The following QTMAN variants were observed in gnomAD, a reference collection of about 807,000 sequenced individuals.
QTMAN encodes queuosine-tRNA mannosyltransferase.
the QTMAN span, among the ~76,000 whole-genome samples, chr2:144,331,964 C>T: frequency 6.6e-6 from 1 of 152,174 alleles, no homozygotes; most frequent in African/African-American, 2.4e-5. Flanking sequence ...GCCGGGCAGC[C>T]TGGTGGTCGG....
At chr2:143,961,801 T>G in the QTMAN span, among the ~76,000 whole-genome samples, 2 of 152,072 alleles carry the variant, frequency 1.3e-5, no homozygotes, top group South Asian at 4.1e-4. Flanking sequence ...GCCCAGGGAC[T>G]GGCATGCCTG....
At chr2:144,291,972 G>C in the QTMAN span, among the ~76,000 whole-genome samples, 6 of 152,106 alleles carry the variant, frequency 3.9e-5, no homozygotes, top group Non-Finnish European at 7.3e-5. Flanking sequence ...TGAAACATGC[G>C]GGTTCAAATG....
chr2:143,996,261 A>C, the QTMAN span, among the ~76,000 whole-genome samples: 1 of 152,144 alleles, frequency 6.6e-6, no homozygotes, highest in Non-Finnish European at 1.5e-5. Flanking sequence ...AGGAAGAAAG[A>C]ACATGGGAGA....
the QTMAN span, among the ~76,000 whole-genome samples, chr2:144,256,420 C>G: frequency 6.6e-6 from 1 of 152,110 alleles, no homozygotes; most frequent in Non-Finnish European, 1.5e-5. Context: ...TAATTGATTT[C>G]TTCATTCAAT....
the QTMAN span, among the ~76,000 whole-genome samples, chr2:144,296,303 T>C: frequency 6.6e-6 from 1 of 152,230 alleles, no homozygotes; most frequent in Non-Finnish European, 1.5e-5. Flanking sequence ...TGCAATGTGA[T>C]TAATAATTAT....
the QTMAN span, among the ~76,000 whole-genome samples, chr2:144,219,973 C>A: frequency 7.9e-5 from 12 of 152,198 alleles, no homozygotes; most frequent in East Asian, 2.3e-3. Context: ...TGAAGGAGTT[C>A]TTTTTCTAGT....
the QTMAN span, among the ~76,000 whole-genome samples, chr2:144,220,832 T>C: frequency 6.6e-6 from 1 of 152,246 alleles, no homozygotes; most frequent in Non-Finnish European, 1.5e-5. Flanking sequence ...CTATTTTCTA[T>C]AATAGTTGTT....
At chr2:144,317,534 T>C in the QTMAN span, 1 of 152,256 alleles carries the variant, frequency 6.6e-6, no homozygotes, top group African/African-American at 2.4e-5. Context: ...CCAGGATCAC[T>C]GCCTTCCTCA....
the QTMAN span, among the ~76,000 whole-genome samples, chr2:144,143,212 T>C: frequency 2.6e-5 from 4 of 152,116 alleles, no homozygotes; most frequent in Admixed American, 2.0e-4. Flanking sequence ...CTCACAATAA[T>C]GGGTTTACCA....
At chr2:144,103,294 C>T in the QTMAN span, among the ~76,000 whole-genome samples, 2 of 152,128 alleles carry the variant, frequency 1.3e-5, no homozygotes, top group Non-Finnish European at 2.9e-5. Context: ...AACTGGAGGC[C>T]GGGGGCCACT....
chr2:144,286,482 A>C, the QTMAN span, among the ~76,000 whole-genome samples: 1 of 152,248 alleles, frequency 6.6e-6, no homozygotes, highest in Non-Finnish European at 1.5e-5. Context: ...TGCTCTCTAA[A>C]GATTTAAGCA....
the QTMAN span, among the ~76,000 whole-genome samples, chr2:144,309,866 C>T: frequency 6.6e-6 from 1 of 152,080 alleles, no homozygotes; most frequent in Non-Finnish European, 1.5e-5. Context: ...AGGTTTAACC[C>T]CTAGGTAATA....
At chr2:144,065,762 CTT>C in the QTMAN span, among the ~76,000 whole-genome samples, 32 of 132,448 alleles carry the variant, frequency 2.4e-4, no homozygotes, top group African/African-American at 2.5e-4. Context: ...AAGAAAATAA[CTT>C]TTTTTTTTTT....
the QTMAN span, among the ~76,000 whole-genome samples, chr2:144,299,232 C>T: frequency 1.5e-4 from 23 of 152,304 alleles, no homozygotes; most frequent in African/African-American, 4.8e-4. Flanking sequence ...AAGGGTAAAA[C>T]ATACAGCACT....
At chr2:144,129,316 G>A in the QTMAN span, among the ~76,000 whole-genome samples, 1 of 151,844 alleles carries the variant, frequency 6.6e-6, no homozygotes, top group Admixed American at 6.6e-5. Context: ...GAACTCAAGA[G>A]CTGATGACAG....
the QTMAN span, among the ~76,000 whole-genome samples, chr2:144,267,123 G>T: frequency 1.3e-5 from 2 of 152,166 alleles, no homozygotes; most frequent in Admixed American, 1.3e-4. Context: ...TGAAAGTGCA[G>T]GACTAGAGTT....
the QTMAN span, among the ~76,000 whole-genome samples, chr2:144,123,255 T>C: frequency 4.8e-3 from 726 of 152,252 alleles, 8 homozygotes; most frequent in Non-Finnish European, 8.8e-3. Context: ...TCACATATTG[T>C]TCTTAGAATA....
the QTMAN span, among the ~76,000 whole-genome samples, chr2:144,086,299 T>C: frequency 6.6e-6 from 1 of 152,138 alleles, no homozygotes; most frequent in African/African-American, 2.4e-5. Flanking sequence ...GAGTCTACTA[T>C]GTACCAATAA....
At chr2:144,238,606 C>T in the QTMAN span, among the ~76,000 whole-genome samples, 46 of 152,128 alleles carry the variant, frequency 3.0e-4, no homozygotes, top group African/African-American at 1.1e-3. Context: ...TTATGAAACC[C>T]TCTACCTGTA....
Sources: allele counts gnomAD v4.1 joint callset (sites outside exome capture counted in the v4.1 genomes callset), GRCh38; gene constraint gnomAD v4.1.1; transcripts MANE v1.5; gene names NCBI Gene and HGNC (gene_info 2026-07-23, HGNC 2026-07-21).